CDC14A: variants seen among roughly 807,000 people sequenced by gnomAD.
The protein encoded by CDC14A is dual specificity protein phosphatase CDC14A.
In CDC14A, 53 loss-of-function variants were observed where a neutral mutation model predicts 74.4. The ratio of observed to expected loss-of-function variants is 0.71; its 90% CI spans 0.57 to 0.89. The LOEUF is 0.89. Ranked by LOEUF, CDC14A falls within the 40% of genes least tolerant of loss-of-function variation. The pLI is 0.00. For synonymous variants in CDC14A, 247 were observed against 258.4 expected (o/e 0.96, Z 0.43); for missense variants, 646 against 713.7 (o/e 0.91, Z 1.08).
intron 8 of CDC14A, 103 bp from the exon 9 acceptor site, chr1:100,462,548 A>C (rs1326368166): frequency 2.3e-6 from 2 of 876,372 alleles, no homozygotes; most frequent in Non-Finnish European, 3.6e-6. Flanking sequence ...TTTCCTCCCA[A>C]GCTTTGTTGA....
In CDC14A at chr1:100,518,273, A is replaced by T. The variant is rs753515793; in HGVS notation, c.1778A>T (p.His593Leu). 1 of 1,611,416 alleles carries T rather than the reference A, an allele frequency of 6.2e-7. No individual in the cohort carries two copies. Among genetic ancestry groups the T allele is most frequent in the Non-Finnish European group, 8.5e-7 (1 of 1,177,824 alleles). Reference sequence around the variant, plus strand: ...CAGTCCCTTCAGTCTGAATATGTTCATTACTAAGGCCTTGCCACTCCAGTG... The same window carrying T: ...CAGTCCCTTCAGTCTGAATATGTTCTTTACTAAGGCCTTGCCACTCCAGTG... The part of the protein sequence containing the change: ...SIPSLQSEYV[H>L]Y The change falls in exon 16 of 16, where the codon CAT becomes CTT. Residue 593 changes from histidine to leucine, a missense_variant. Coordinates refer to ENST00000336454, the MANE Select transcript of CDC14A (RefSeq NM_003672.4).
intron 11 of CDC14A, among the ~76,000 whole-genome samples, chr1:100,490,110 A>G (rs569323539): frequency 6.6e-6 from 1 of 152,320 alleles, no homozygotes; most frequent in South Asian, 2.1e-4. Context: ...GCCACACAAT[A>G]TCTGCATTTG....
chr1:100,492,033 G>A (rs1257960180), intron 11 of CDC14A, among the ~76,000 whole-genome samples: 1 of 152,036 alleles, frequency 6.6e-6, no homozygotes, highest in African/African-American at 2.4e-5. Context: ...GGAAGTAAAA[G>A]TATGTTAAAT....
chr1:100,369,522 G>A (rs6687448), intron 2 of CDC14A, among the ~76,000 whole-genome samples: 35,795 of 152,000 alleles, frequency 0.24, 5,641 homozygotes, highest in African/African-American at 0.45. Context: ...AGGTGCTTGT[G>A]TTTCTTCTTT....
chr1:100,478,568 A>G (rs919820119), intron 10 of CDC14A, among the ~76,000 whole-genome samples: 2 of 152,222 alleles, frequency 1.3e-5, no homozygotes, highest in Non-Finnish European at 2.9e-5. Context: ...ATGGGGCTCA[A>G]TATGGCATTG....
chr1:100,477,633 T>C (rs1455425547), intron 10 of CDC14A, among the ~76,000 whole-genome samples: 1 of 152,050 alleles, frequency 6.6e-6, no homozygotes, highest in Non-Finnish European at 1.5e-5. Context: ...AAACAAGGCT[T>C]TGAAGACTAA....
At chr1:100,382,174 T>G (rs988896001) in intron 3 of CDC14A, among the ~76,000 whole-genome samples, 7 of 151,504 alleles carry the variant, frequency 4.6e-5, no homozygotes, top group Admixed American at 1.3e-4. Flanking sequence ...AAGACAAAGT[T>G]GTGGTATTTT....
chr1:100,439,311 A>G (rs1664673574), intron 5 of CDC14A, among the ~76,000 whole-genome samples: 1 of 151,974 alleles, frequency 6.6e-6, no homozygotes, highest in Non-Finnish European at 1.5e-5. Context: ...ATGGCATTTA[A>G]TCCATGAAAA....
intron 9 of CDC14A, among the ~76,000 whole-genome samples, chr1:100,467,625 C>T (rs527401700): frequency 2.6e-5 from 4 of 152,110 alleles, no homozygotes; most frequent in African/African-American, 9.7e-5. Flanking sequence ...CCCAACCCCC[C>T]AGCCACCCTT....
intron 11 of CDC14A, among the ~76,000 whole-genome samples, chr1:100,491,432 G>A (rs1670603255): frequency 6.7e-6 from 1 of 149,006 alleles, no homozygotes; most frequent in African/African-American, 2.5e-5. Context: ...TATTACTAAT[G>A]ACAAACATAT....
At chr1:100,379,042 T>C (rs1193454429) in intron 3 of CDC14A, among the ~76,000 whole-genome samples, 2 of 152,214 alleles carry the variant, frequency 1.3e-5, no homozygotes, top group African/African-American at 4.8e-5. Flanking sequence ...TTCTTTGCTG[T>C]CTTGATTAGT....
intron 2 of CDC14A, among the ~76,000 whole-genome samples, chr1:100,373,276 G>A (rs993605937): frequency 5.3e-5 from 8 of 152,132 alleles, no homozygotes; most frequent in Non-Finnish European, 2.9e-5. Flanking sequence ...AGAGAGATGG[G>A]GGAATGGCTA....
At chr1:100,417,274 C>T (rs1661661131) in intron 4 of CDC14A, among the ~76,000 whole-genome samples, 1 of 152,202 alleles carries the variant, frequency 6.6e-6, no homozygotes, top group African/African-American at 2.4e-5. Context: ...CTGGTCACTT[C>T]ATAGGCCATT....
At chr1:100,349,889 C>T (rs533442255), upstream of CDC14A, among the ~76,000 whole-genome samples, 8 of 152,008 alleles carry the variant, frequency 5.3e-5, no homozygotes, top group South Asian at 4.2e-4. Context: ...GGCACTATCT[C>T]GGCTCACTGC....
intron 1 of CDC14A, among the ~76,000 whole-genome samples, chr1:100,345,557 C>T (rs994864820): frequency 6.6e-6 from 1 of 152,168 alleles, no homozygotes; most frequent in Non-Finnish European, 1.5e-5. Flanking sequence ...ACAAATCCAG[C>T]ATTTTTTCCA....
rs762510545 is a variant in CDC14A, at chr1:100,442,935, G to T, written c.458G>T (p.Gly153Val). 1 of 1,594,012 alleles carries T rather than the reference G, an allele frequency of 6.3e-7. No homozygotes were observed. The highest frequency in any genetic ancestry group is 2.2e-5 in the East Asian group (1 of 44,646). ...ILDCLQGIRKGLQHGFFDFET... is the reference protein window; with the variant it reads ...ILDCLQGIRKVLQHGFFDFET... Reference sequence around the variant, plus strand: ...AACTAATTCAAATTCTGCTTTTAGGGATTACAACATGGATTTTTTGACTTT... The same window carrying T: ...AACTAATTCAAATTCTGCTTTTAGGTATTACAACATGGATTTTTTGACTTT... The change falls in exon 7 of 16, where the codon GGA (glycine) becomes GTA (valine). Residue 153 changes from glycine to valine, a missense_variant and splice_region_variant. Physicochemically the swap from Gly to Val is moderately radical, Grantham distance 109 (BLOSUM62 -3). Transcript: ENST00000336454.
At chr1:100,396,839 CT>C (rs1399656831) in intron 4 of CDC14A, among the ~76,000 whole-genome samples, 1 of 152,106 alleles carries the variant, frequency 6.6e-6, no homozygotes, top group East Asian at 1.9e-4. Flanking sequence ...TAGATAATGA[CT>C]TCAAGTATTT....
intron 5 of CDC14A, among the ~76,000 whole-genome samples, chr1:100,428,971 G>C (rs945078109): frequency 7.9e-5 from 12 of 152,010 alleles, no homozygotes; most frequent in African/African-American, 2.9e-4. Flanking sequence ...ACTTTGGGAG[G>C]TGGGCGATCA....
chr1:100,425,835 T>C (rs886667222), intron 5 of CDC14A, among the ~76,000 whole-genome samples: 12 of 152,208 alleles, frequency 7.9e-5, no homozygotes, highest in Non-Finnish European at 1.6e-4. Context: ...GTAATAATGC[T>C]GATAATTCTA....
Sources: allele counts gnomAD v4.1 joint callset (sites outside exome capture counted in the v4.1 genomes callset), GRCh38; gene constraint gnomAD v4.1.1; transcripts MANE v1.5; gene names NCBI Gene and HGNC (gene_info 2026-07-23, HGNC 2026-07-21).